The following C4orf51 variants were observed in gnomAD, a reference collection of about 807,000 sequenced individuals.
The protein encoded by C4orf51 is uncharacterized protein C4orf51.
In C4orf51, 25 loss-of-function variants were observed where a neutral mutation model predicts 25.2. That is an observed-to-expected ratio of 0.99 (90% CI 0.72 to 1.39). The LOEUF (loss-of-function observed/expected upper bound fraction) is 1.39. Ranked by LOEUF, C4orf51 falls within the 40% of genes most tolerant of loss-of-function variation. The pLI, the probability that C4orf51 is intolerant of heterozygous loss-of-function variation, is 0.00. For missense variants in C4orf51, 252 were observed against 239.6 expected, an observed-to-expected ratio of 1.05 and a Z score of -0.34; for synonymous variants, 100 against 84.5, an observed-to-expected ratio of 1.18 and a Z score of -1.01.
At chr4:145,701,914 T>C (rs1730473196) in intron 2 of C4orf51, among the ~76,000 whole-genome samples, 1 of 152,044 alleles carries the variant, frequency 6.6e-6, no homozygotes, top group Non-Finnish European at 1.5e-5. Context: ...CCGCATCTCA[T>C]TGCTACCCTT....
chr4:145,722,054 G>C (rs920601475), intron 2 of C4orf51, among the ~76,000 whole-genome samples: 9 of 152,232 alleles, frequency 5.9e-5, no homozygotes, highest in African/African-American at 1.9e-4. Context: ...TAATTACCAA[G>C]TTAAGGCAGA....
intron 1 of C4orf51, among the ~76,000 whole-genome samples, chr4:145,749,309 C>T (rs1280517386): frequency 2.0e-5 from 3 of 151,932 alleles, no homozygotes; most frequent in Non-Finnish European, 4.4e-5. Context: ...TTCTTGCAGG[C>T]AACAGATCAT....
intron 2 of C4orf51, among the ~76,000 whole-genome samples, chr4:145,697,389 T>G (rs1230962443): frequency 6.6e-6 from 1 of 152,130 alleles, no homozygotes; most frequent in Non-Finnish European, 1.5e-5. Context: ...TAAGCCACCA[T>G]GCCTGGCTCT....
At chr4:145,741,761 G>A (rs1475505392) in intron 1 of C4orf51, among the ~76,000 whole-genome samples, 2 of 151,982 alleles carry the variant, frequency 1.3e-5, no homozygotes, top group East Asian at 1.9e-4. Flanking sequence ...GCAGTGGCTC[G>A]ATCTCAGCTC....
chr4:145,736,738 A>G (rs1040067551), downstream of C4orf51, among the ~76,000 whole-genome samples: 5 of 152,200 alleles, frequency 3.3e-5, no homozygotes, highest in Non-Finnish European at 7.3e-5. Flanking sequence ...AGACAGGAAA[A>G]TGTCTGCTTT....
Position 145,706,034 on chromosome 4 carries a change from C to G in C4orf51, c.307+9402C>G, listed in dbSNP as rs188828857. Among the ~76,000 whole-genome samples the G allele has an allele frequency of 8.6e-5, 13 of 151,870 alleles. No homozygotes were observed. In the East Asian group the frequency reaches 2.3e-3, roughly 27 times the overall value. ...TTTCTTCTGAGCTGCAGCCAGAGAT[C>G]ACTGGTTGGTTCACAGGAATAAGCA... On this transcript the variant is annotated intron_variant, in intron 2 of 5. Transcript: ENST00000438731.
At chr4:145,777,502 C>T in the C4orf51 span, among the ~76,000 whole-genome samples, 1 of 152,166 alleles carries the variant, frequency 6.6e-6, no homozygotes. Context: ...GTTCCCTCCC[C>T]ACTTTGGGTC....
chr4:145,742,831 C>T (rs186877656), intron 1 of C4orf51, among the ~76,000 whole-genome samples: 16 of 152,326 alleles, frequency 1.1e-4, no homozygotes, highest in Admixed American at 2.6e-4. Context: ...TGAGCCACCA[C>T]GCCCAGCCAG....
At chr4:145,787,021 G>A in the C4orf51 span, among the ~76,000 whole-genome samples, 11 of 152,168 alleles carry the variant, frequency 7.2e-5, no homozygotes, top group African/African-American at 2.7e-4. Flanking sequence ...GCTCATGCCA[G>A]TCCTAACAGA....
intron 1 of C4orf51, among the ~76,000 whole-genome samples, chr4:145,741,554 G>A (rs1157308379): frequency 1.3e-5 from 2 of 152,130 alleles, no homozygotes; most frequent in African/African-American, 2.4e-5. Context: ...TGTGGCTGGA[G>A]ATTATAATGC....
intron 2 of C4orf51, among the ~76,000 whole-genome samples, chr4:145,713,429 G>T (rs115886054): frequency 7.9e-4 from 120 of 152,340 alleles, no homozygotes; most frequent in African/African-American, 2.8e-3. Context: ...TCCATCCCCT[G>T]TGGATGAGTC....
intron 2 of C4orf51, among the ~76,000 whole-genome samples, chr4:145,703,429 C>T (rs1730595737): frequency 6.6e-6 from 1 of 152,292 alleles, no homozygotes; most frequent in African/African-American, 2.4e-5. Flanking sequence ...CTCAGCCCAC[C>T]TGTACCCAGG....
At chr4:145,719,642 C>T (rs948659297) in intron 2 of C4orf51, among the ~76,000 whole-genome samples, 1 of 148,006 alleles carries the variant, frequency 6.8e-6, no homozygotes, top group Non-Finnish European at 1.5e-5. Context: ...TTTCCAATGA[C>T]AGCCTTTAGA....
At chr4:145,756,520 G>A (rs1339535697), downstream of C4orf51, among the ~76,000 whole-genome samples, 7 of 152,114 alleles carry the variant, frequency 4.6e-5, no homozygotes, top group Non-Finnish European at 8.8e-5. Flanking sequence ...GCCCATTTCT[G>A]GGGAAATGAT....
downstream of C4orf51, among the ~76,000 whole-genome samples, chr4:145,771,939 C>T (rs143719225): frequency 1.2e-3 from 182 of 152,288 alleles, no homozygotes; most frequent in African/African-American, 4.2e-3. Flanking sequence ...GCATCTTCTG[C>T]GCATCTGAAA....
chr4:145,700,408 T>A (rs989617338), intron 2 of C4orf51, among the ~76,000 whole-genome samples: 2 of 151,958 alleles, frequency 1.3e-5, no homozygotes, highest in African/African-American at 2.4e-5. Flanking sequence ...CATTCCTCCT[T>A]CTTCTCCCTT....
intron 2 of C4orf51, among the ~76,000 whole-genome samples, chr4:145,705,844 G>C (rs1730775133): frequency 6.6e-6 from 1 of 152,114 alleles, no homozygotes; most frequent in Middle Eastern, 3.2e-3. Flanking sequence ...CAAAATAAGG[G>C]GGTGATGATA....
At chr4:145,782,895 C>A in the C4orf51 span, among the ~76,000 whole-genome samples, 1 of 152,174 alleles carries the variant, frequency 6.6e-6, no homozygotes, top group Non-Finnish European at 1.5e-5. Flanking sequence ...TACTTCTGTA[C>A]AATAAACTCA....
downstream of C4orf51, among the ~76,000 whole-genome samples, chr4:145,754,774 A>G (rs547809805): frequency 3.9e-4 from 60 of 152,268 alleles, 2 homozygotes; most frequent in African/African-American, 1.4e-3. Context: ...GTCTCTACTA[A>G]AAAATATAAA....
Sources: allele counts gnomAD v4.1 joint callset (sites outside exome capture counted in the v4.1 genomes callset), GRCh38; gene constraint gnomAD v4.1.1; transcripts MANE v1.5; gene names NCBI Gene and HGNC (gene_info 2026-07-23, HGNC 2026-07-21).